The following SENP6 variants were observed in gnomAD, a reference collection of about 807,000 sequenced individuals.
SENP6 encodes SUMO specific peptidase 6.
SENP6 carries 41 observed loss-of-function variants against 134.5 expected under a neutral mutation model. That is an observed-to-expected ratio of 0.30 (90% CI 0.24 to 0.40). The LOEUF (loss-of-function observed/expected upper bound fraction) is 0.40, where lower values mean the gene tolerates loss of function less well. Among genes scored for constraint, SENP6 ranks in the 10% least tolerant of loss-of-function variants. The pLI, the probability that SENP6 is intolerant of heterozygous loss-of-function variation, is 1.00. For synonymous variants in SENP6, 395 were observed against 429.8 expected, an observed-to-expected ratio of 0.92 and a Z score of 1.00; for missense variants, 1,248 against 1,312.5, an observed-to-expected ratio of 0.95 and a Z score of 0.76.
intron 1 of SENP6, among the ~76,000 whole-genome samples, chr6:75,603,235 G>A (rs1766772903): frequency 6.6e-6 from 1 of 152,224 alleles, no homozygotes; most frequent in South Asian, 2.1e-4. Flanking sequence ...GTGAGGGAAA[G>A]TTAAACATTT....
chr6:75,653,813 C>A (rs1293799837), intron 7 of SENP6, among the ~76,000 whole-genome samples: 3 of 152,202 alleles, frequency 2.0e-5, no homozygotes, highest in Non-Finnish European at 4.4e-5. Flanking sequence ...AGATAGACTA[C>A]AAACTTGTAA....
chr6:75,609,461 T>C (rs1767278196), intron 1 of SENP6, among the ~76,000 whole-genome samples: 1 of 152,218 alleles, frequency 6.6e-6, no homozygotes, highest in Admixed American at 6.5e-5. Flanking sequence ...CCAGCCCTGA[T>C]TGAAGGGGAG....
intron 21 of SENP6, among the ~76,000 whole-genome samples, chr6:75,711,757 C>T (rs1582915445): frequency 6.6e-6 from 1 of 152,222 alleles, no homozygotes; most frequent in African/African-American, 2.4e-5. Context: ...ACCACAACCT[C>T]CACCTCCCAG....
At chr6:75,658,282 AATT>A (rs1314549422) in intron 7 of SENP6, among the ~76,000 whole-genome samples, 1 of 152,204 alleles carries the variant, frequency 6.6e-6, no homozygotes, top group African/African-American at 2.4e-5. Context: ...AAGCAAGAAT[AATT>A]ATAGGTTTCT....
At chr6:75,629,269 A>G (rs1224469780) in intron 3 of SENP6, among the ~76,000 whole-genome samples, 2 of 152,086 alleles carry the variant, frequency 1.3e-5, no homozygotes, top group South Asian at 2.1e-4. Flanking sequence ...GTTAATTTCT[A>G]TATGCTTTTG....
At chr6:75,639,427 G>A (rs1395783790) in intron 5 of SENP6, among the ~76,000 whole-genome samples, 1 of 151,804 alleles carries the variant, frequency 6.6e-6, no homozygotes, top group Non-Finnish European at 1.5e-5. Context: ...GTAAAAACAA[G>A]TTACTATATT....
intron 1 of SENP6, among the ~76,000 whole-genome samples, chr6:75,614,698 A>G (rs777839411): frequency 7.3e-4 from 111 of 152,254 alleles, no homozygotes; most frequent in Non-Finnish European, 1.4e-3. Context: ...TCCCCCAATT[A>G]TTAATATAAT....
At chr6:75,654,920 T>C (rs1771192917) in intron 7 of SENP6, 1 of 152,254 alleles carries the variant, frequency 6.6e-6, no homozygotes, top group East Asian at 1.9e-4. Flanking sequence ...GACATGTCCA[T>C]CTAGTCATCC....
At position 75,654,307 on chromosome 6, in the gene SENP6, G is replaced by A. The variant is rs1771147510; in HGVS notation, c.551-4955G>A. ...GAATTTGACATACCAAGTCGAGGAG[G>A]AAAAGCTTTGCACCTAATGAGGATG... On this transcript the variant is annotated intron_variant, in intron 7 of 23. Coordinates refer to ENST00000447266, the MANE Select transcript of SENP6 (RefSeq NM_015571.4). 2.6e-5 allele frequency among the ~76,000 whole-genome samples: 4 copies of A among 152,186 alleles called. No individual in the cohort carries two copies. In the South Asian group the frequency reaches 6.2e-4, roughly 24 times the overall value.
chr6:75,695,672 G>A, intron 16 of SENP6, 132 bp from the exon 17 acceptor site: 1 of 539,430 alleles, frequency 1.9e-6, no homozygotes, highest in Non-Finnish European at 3.1e-6. Context: ...AGGAGGTGGA[G>A]GTTGCAGTGA....
rs867207307 is a variant in SENP6, at chr6:75,715,597, A to T, written c.*3A>T. ...ATGTCAATAGTATCTCAGATTGACC[A>T]TTTCTGTTACTTGTCATTTCTACTT... On this transcript the variant is annotated 3_prime_UTR_variant, in exon 24 of 24. Transcript: ENST00000447266. The T allele has an allele frequency of 6.3e-7, 1 of 1,595,346 alleles. No individual in the cohort carries two copies. The highest frequency in any genetic ancestry group is 2.2e-5 in the East Asian group (1 of 44,660).
intron 16 of SENP6, among the ~76,000 whole-genome samples, chr6:75,690,365 A>T (rs1774155502): frequency 6.6e-6 from 1 of 152,206 alleles, no homozygotes; most frequent in African/African-American, 2.4e-5. Flanking sequence ...TTCCTTCCTT[A>T]AAAAGGAAGG....
intron 14 of SENP6, 150 bp downstream of exon 14, chr6:75,677,406 C>T (rs1161436378): frequency 3.1e-6 from 2 of 648,106 alleles, no homozygotes; most frequent in Non-Finnish European, 5.0e-6. Flanking sequence ...TGTAAACTAC[C>T]TTGTGTCAAA....
intron 11 of SENP6, among the ~76,000 whole-genome samples, chr6:75,671,239 C>CT (rs1772650400): frequency 6.6e-6 from 1 of 152,182 alleles, no homozygotes; most frequent in Non-Finnish European, 1.5e-5. Context: ...TTAATATAAT[C>CT]TCCTTAACTA....
intron 7 of SENP6, among the ~76,000 whole-genome samples, chr6:75,657,551 C>T (rs752782501): frequency 9.9e-5 from 15 of 152,142 alleles, no homozygotes; most frequent in Admixed American, 2.6e-4. Flanking sequence ...TTCCTCCGAC[C>T]CCTGTAATTT....
intron 1 of SENP6, among the ~76,000 whole-genome samples, chr6:75,614,697 T>TAATATAATATAACCA (rs1431449387): frequency 2.3e-4 from 35 of 152,326 alleles, no homozygotes; most frequent in African/African-American, 8.4e-4. Flanking sequence ...ATCCCCCAAT[T>TAATATAATATAACCA]ATTAATATAA....
intron 5 of SENP6, among the ~76,000 whole-genome samples, chr6:75,639,820 G>A (rs1055250066): frequency 6.6e-6 from 1 of 151,938 alleles, no homozygotes; most frequent in Non-Finnish European, 1.5e-5. Context: ...AAAAATTTCA[G>A]CCTTAAAAAA....
chr6:75,641,548 A>C (rs192874538), intron 6 of SENP6, among the ~76,000 whole-genome samples: 1 of 152,244 alleles, frequency 6.6e-6, no homozygotes, highest in African/African-American at 2.4e-5. Flanking sequence ...TTGTAAGAAC[A>C]CTGGCAGACA....
intron 12 of SENP6, 126 bp from the exon 13 acceptor site, chr6:75,675,734 A>C (rs1302054233): frequency 1.1e-5 from 10 of 939,372 alleles, no homozygotes; most frequent in Non-Finnish European, 1.3e-5. Context: ...CCACAAGAGT[A>C]ATGATTTATA....
Sources: allele counts gnomAD v4.1 joint callset (sites outside exome capture counted in the v4.1 genomes callset), GRCh38; gene constraint gnomAD v4.1.1; transcripts MANE v1.5; gene names NCBI Gene and HGNC (gene_info 2026-07-23, HGNC 2026-07-21).